The following MYCBPAP variants were observed in gnomAD, a reference collection of about 807,000 sequenced individuals.
MYCBPAP encodes the protein MYCBP-associated protein.
A neutral mutation model predicts 106.1 loss-of-function variants in MYCBPAP; 60 were observed. The ratio of observed to expected loss-of-function variants is 0.57; its 90% CI spans 0.46 to 0.70. The LOEUF is 0.70. MYCBPAP is among the 30% of genes least tolerant of loss of function. The pLI, the probability that MYCBPAP is intolerant of heterozygous loss-of-function variation, is 0.00. For missense variants in MYCBPAP, 1,064 were observed against 1,169.3 expected (o/e 0.91, Z 1.31); for synonymous variants, 407 against 440.6 (o/e 0.92, Z 0.95).
intron 1 of MYCBPAP, chr17:50,510,489 GTGTGTGTGTGTATATATATA>G (rs1362498560): frequency 1.9e-5 from 2 of 107,162 alleles, no homozygotes; most frequent in African/African-American, 7.8e-5. Context: ...GTGTGTGTGT[GTGTGTGTGTGTATATATATA>G]TATATATATA....
intron 1 of MYCBPAP, chr17:50,510,016 T>C (rs1281887270): frequency 2.0e-5 from 3 of 152,154 alleles, no homozygotes; most frequent in African/African-American, 7.2e-5. Flanking sequence ...ACTGTAAATG[T>C]GGGAACCAGA....
At chr17:50,516,497 A>G (rs2034056411) in intron 1 of MYCBPAP, 73 bp from the exon 2 acceptor site, 1 of 1,517,358 alleles carries the variant, frequency 6.6e-7, no homozygotes, top group Admixed American at 2.0e-5. Flanking sequence ...TTTTACTTTT[A>G]TTTTTGTATG....
chr17:50,527,662 A>G (rs2034504603), intron 15 of MYCBPAP, among the ~76,000 whole-genome samples: 1 of 152,136 alleles, frequency 6.6e-6, no homozygotes, highest in African/African-American at 2.4e-5. Context: ...GAGCAGGGGA[A>G]TGGAAAAAGG....
At position 50,517,284 on chromosome 17, in the gene MYCBPAP, T is replaced by C. The variant is rs922649608; in HGVS notation, c.205-9T>C. 5 of 1,613,922 alleles carry C rather than the reference T, an allele frequency of 3.1e-6. No individual in the cohort carries two copies. Among genetic ancestry groups the C allele is most frequent in the Non-Finnish European group, 4.2e-6 (5 of 1,179,846 alleles). On this transcript the variant is annotated splice_polypyrimidine_tract_variant and intron_variant, in intron 2 of 18. Coordinates refer to ENST00000323776, the MANE Select transcript of MYCBPAP (RefSeq NM_032133.6). ...AGGTGGAATTCTCCTTTGTTTTATT[T>C]CTTTTTAGCAACACATTCCTCGCCT...
At chr17:50,509,429 C>T (rs1256619784) in intron 1 of MYCBPAP, 2 of 382,576 alleles carry the variant, frequency 5.2e-6, no homozygotes, top group Admixed American at 7.3e-5. Flanking sequence ...CGTCTGATAG[C>T]GGACTGACTT....
rs2034089088 is a variant in MYCBPAP at position 50,517,350 on chromosome 17, A to G, written c.262A>G (p.Ile88Val). 1.9e-6 allele frequency: 3 copies of G among 1,614,152 alleles called. No individual in the cohort carries two copies. Among genetic ancestry groups the G allele is most frequent in the Admixed American group, 1.7e-5 (1 of 60,012 alleles). The change falls in exon 3 of 19, where the codon ATC becomes GTC. Residue 88 changes from isoleucine (I) to valine (V), a missense_variant. Physicochemically the swap from Ile to Val is conservative, Grantham distance 29. Coordinates refer to ENST00000323776, the MANE Select transcript of MYCBPAP (RefSeq NM_032133.6). ...EDKRVITQKF[I>V]IRKLKPMDPR... Reference sequence around the variant, plus strand: ...TAAACGTGTCATCACCCAGAAATTTATCATCCGTAAACTCAAACCCATGGA... The same window carrying G: ...TAAACGTGTCATCACCCAGAAATTTGTCATCCGTAAACTCAAACCCATGGA...
In MYCBPAP at chr17:50,519,689, A is replaced by C. The variant is rs1302089087; in HGVS notation, c.818A>C (p.Glu273Ala). ...AGTCGACTGGAATACTTGGGAGATG[A>C]GATGACAGGTCTGGTCATGACCAAG... Reference protein sequence around the residue: ...FWSRLEYLGDEMTGLVMTKTK... With the variant: ...FWSRLEYLGDAMTGLVMTKTK... Residue 273 changes from glutamate (E) to alanine (A), a missense_variant, in exon 7 of 19, where the codon GAG becomes GCG. Physicochemically the swap from Glu to Ala is moderately radical, Grantham distance 107. Coordinates refer to ENST00000323776, the MANE Select transcript of MYCBPAP (RefSeq NM_032133.6). The C allele has an allele frequency of 6.2e-7, 1 of 1,614,140 alleles. No homozygotes were observed. Among genetic ancestry groups the C allele is most frequent in the South Asian group, 1.1e-5 (1 of 91,080 alleles).
chr17:50,524,804 GC>G (rs2034401006), intron 12 of MYCBPAP, 72 bp from the exon 13 acceptor site: 2 of 1,538,412 alleles, frequency 1.3e-6, no homozygotes, highest in Non-Finnish European at 1.8e-6. Flanking sequence ...AGTCCTGGGG[GC>G]TCCAACTTCC....
At chr17:50,512,018 A>G (rs970680362) in intron 1 of MYCBPAP, among the ~76,000 whole-genome samples, 2 of 149,920 alleles carry the variant, frequency 1.3e-5, no homozygotes, top group African/African-American at 4.9e-5. Context: ...TCTCATCCCC[A>G]ACATCACCAC....
At chr17:50,522,327 G>T in intron 10 of MYCBPAP, 1 of 388,062 alleles carries the variant, frequency 2.6e-6, no homozygotes, top group South Asian at 3.1e-5. Flanking sequence ...GCAAACTCAA[G>T]TAGGTATGGC....
chr17:50,508,142 T>TC (rs35865545), upstream of MYCBPAP, among the ~76,000 whole-genome samples: 8 of 151,560 alleles, frequency 5.3e-5, no homozygotes, highest in Admixed American at 3.3e-4. Context: ...AAAGGCCCGA[T>TC]CCCCCCCCAG....
rs140324389 is a variant in MYCBPAP at position 50,512,944 on chromosome 17, C to T, written c.77-3626C>T. On this transcript the variant is annotated intron_variant, in intron 1 of 18. Coordinates refer to ENST00000323776, the MANE Select transcript of MYCBPAP (RefSeq NM_032133.6). ...CAAAAAATAGTTGGGCGGCCGGGTG[C>T]GGTGGCTCATGCCTGTAATCCCAGG... 5.9e-5 allele frequency among the ~76,000 whole-genome samples: 9 copies of T among 152,100 alleles called. No individual in the cohort carries two copies. In the East Asian group the frequency reaches 9.7e-4, roughly 16 times the overall value.
chr17:50,531,188 C>A, intron 18 of MYCBPAP, 139 bp from the exon 19 acceptor site: 2 of 572,152 alleles, frequency 3.5e-6, no homozygotes, highest in Non-Finnish European at 2.9e-6. Flanking sequence ...AATTATTTCA[C>A]AAGAACTTTG....
chr17:50,518,198 CTGAT>C (rs1466637207), intron 4 of MYCBPAP, among the ~76,000 whole-genome samples: 6 of 152,350 alleles, frequency 3.9e-5, no homozygotes, highest in South Asian at 2.1e-4. Context: ...CAGGCTGACT[CTGAT>C]TGGTCAGGCG....
Position 50,520,047 on chromosome 17 carries a change from C to T in MYCBPAP, c.916+260C>T, listed in dbSNP as rs758998913. 9 of 383,594 alleles carry T rather than the reference C, an allele frequency of 2.3e-5. 1 individual carries two copies. The highest frequency in any genetic ancestry group is 2.1e-4 in the Admixed American group (5 of 24,208). The allele number at this position is 383,594 out of a possible 1,614,324, so 23.8% of individuals were successfully genotyped here. The stretch of plus-strand genomic sequence containing the variant: ...CAGTGTGGAGCCTTGAGCCACATGC[C>T]GCTGGTGAGCGCCTGGATCGTGGCT... On this transcript the variant is annotated intron_variant, in intron 7 of 18. Transcript: ENST00000323776.
intron 1 of MYCBPAP, chr17:50,510,491 G>GTGTGTGTGTGTA (rs2033790012): frequency 1.8e-5 from 2 of 113,838 alleles, no homozygotes; most frequent in Admixed American, 1.9e-4. Context: ...GTGTGTGTGT[G>GTGTGTGTGTGTA]TGTGTGTGTA....
chr17:50,517,344 A>T lies in MYCBPAP; in HGVS notation c.256A>T (p.Lys86Ter). 6.2e-7 allele frequency: 1 copy of T among 1,614,160 alleles called. No homozygotes were observed. Reference sequence around the variant, plus strand: ...GGAAGATAAACGTGTCATCACCCAGAAATTTATCATCCGTAAACTCAAACC... The same window carrying T: ...GGAAGATAAACGTGTCATCACCCAGTAATTTATCATCCGTAAACTCAAACC... ...EKEDKRVITQ[K>*]FIIRKLKPMD... The change falls in exon 3 of 19, where the codon AAA (lysine) becomes TAA (stop). Residue 86 changes from lysine to a stop codon, truncating the protein, a stop_gained. Coordinates refer to ENST00000323776, the MANE Select transcript of MYCBPAP (RefSeq NM_032133.6). LOFTEE classifies it high-confidence loss of function.
intron 18 of MYCBPAP, chr17:50,530,147 C>T (rs1445002532): frequency 2.6e-5 from 10 of 377,370 alleles, no homozygotes; most frequent in Admixed American, 1.0e-4. Flanking sequence ...TTAAAGGGCT[C>T]TGAGGACCCA....
intron 2 of MYCBPAP, 38 bp downstream of exon 2, chr17:50,516,735 G>C (rs376841875): frequency 6.2e-7 from 1 of 1,611,348 alleles, no homozygotes; most frequent in Non-Finnish European, 8.5e-7. Context: ...CCATAGAAAC[G>C]TTTCCCTGCC....
Sources: allele counts gnomAD v4.1 joint callset (sites outside exome capture counted in the v4.1 genomes callset), GRCh38; gene constraint gnomAD v4.1.1; transcripts MANE v1.5; gene names NCBI Gene and HGNC (gene_info 2026-07-23, HGNC 2026-07-21).